The following NRG1 variants were observed in gnomAD, a reference collection of about 807,000 sequenced individuals.
The protein encoded by NRG1 is pro-neuregulin-1, membrane-bound isoform.
Under a neutral mutation model 63.8 loss-of-function variants are expected in NRG1, and 18 were observed. That is an observed-to-expected ratio of 0.28 (90% CI 0.19 to 0.42). The LOEUF (loss-of-function observed/expected upper bound fraction) is 0.42, where lower values mean the gene tolerates loss of function less well. Ranked by LOEUF, NRG1 falls within the 10% of genes least tolerant of loss-of-function variation. The pLI is 1.00. For missense variants in NRG1, 762 were observed against 814.7 expected (o/e 0.94, Z 0.79); for synonymous variants, 302 against 301.3 (o/e 1.00, Z -0.02).
intron 5 of NRG1, among the ~76,000 whole-genome samples, chr8:32,723,817 G>A (rs1382964674): frequency 3.3e-5 from 5 of 151,440 alleles, no homozygotes; most frequent in Non-Finnish European, 7.4e-5. Flanking sequence ...AGGCTGAAAG[G>A]AAGAAAGAAG....
chr8:32,003,573 T>C (rs1813284994), intron 1 of NRG1, among the ~76,000 whole-genome samples: 1 of 152,026 alleles, frequency 6.6e-6, no homozygotes, highest in African/African-American at 2.4e-5. Flanking sequence ...GTAATGTTAA[T>C]GTCCATAAAA....
intron 1 of NRG1, among the ~76,000 whole-genome samples, chr8:32,369,518 G>A (rs192305234): frequency 2.2e-4 from 34 of 152,342 alleles, no homozygotes; most frequent in Non-Finnish European, 1.6e-4. Flanking sequence ...GGCTCACAGC[G>A]AACGTGGTGT....
chr8:31,733,405 G>A (rs2131364749), intron 1 of NRG1, among the ~76,000 whole-genome samples: 1 of 152,278 alleles, frequency 6.6e-6, no homozygotes, highest in Non-Finnish European at 1.5e-5. Flanking sequence ...TCCTGCCACT[G>A]TAGGTATAAA....
intron 1 of NRG1, among the ~76,000 whole-genome samples, chr8:32,561,359 T>A (rs1836360461): frequency 6.6e-6 from 1 of 152,214 alleles, no homozygotes; most frequent in African/African-American, 2.4e-5. Flanking sequence ...ATCTTTTTGT[T>A]CCTTCTTGCA....
chr8:32,217,604 T>A (rs553638941), intron 1 of NRG1, among the ~76,000 whole-genome samples: 154 of 152,298 alleles, frequency 1.0e-3, no homozygotes, highest in South Asian at 8.9e-3. Flanking sequence ...TAAAAAAGCT[T>A]AACCATTTTG....
At chr8:32,233,188 A>G (rs374315166) in intron 1 of NRG1, among the ~76,000 whole-genome samples, 1 of 151,822 alleles carries the variant, frequency 6.6e-6, no homozygotes, top group Non-Finnish European at 1.5e-5. Flanking sequence ...TGCAGCCTCA[A>G]CCTTCCAGGC....
intron 1 of NRG1, among the ~76,000 whole-genome samples, chr8:32,480,662 A>G (rs1825147591): frequency 6.6e-6 from 1 of 152,206 alleles, no homozygotes; most frequent in South Asian, 2.1e-4. Flanking sequence ...TGTAGACTAT[A>G]AAGGTAGCGT....
At chr8:32,080,276 G>C (rs973084468) in intron 1 of NRG1, among the ~76,000 whole-genome samples, 1 of 152,074 alleles carries the variant, frequency 6.6e-6, no homozygotes, top group Non-Finnish European at 1.5e-5. Flanking sequence ...ATCAATGCAA[G>C]GTGTAAGAAC....
At chr8:32,299,085 C>T (rs1384923429) in intron 1 of NRG1, among the ~76,000 whole-genome samples, 2 of 150,570 alleles carry the variant, frequency 1.3e-5, no homozygotes, top group African/African-American at 4.9e-5. Flanking sequence ...AAATTCTTAC[C>T]TACCAGAGTT....
At chr8:32,493,077 C>G (rs975875485) in intron 1 of NRG1, among the ~76,000 whole-genome samples, 2 of 152,116 alleles carry the variant, frequency 1.3e-5, no homozygotes, top group African/African-American at 4.8e-5. Context: ...CCAGGGATTT[C>G]CAATGGCAAC....
chr8:31,672,092 A>G (rs1345249678), intron 1 of NRG1, among the ~76,000 whole-genome samples: 2 of 152,122 alleles, frequency 1.3e-5, no homozygotes, highest in Non-Finnish European at 2.9e-5. Flanking sequence ...TTCAGTTGTC[A>G]GTGTGAGAAA....
chr8:32,628,228 G>A (rs571631201), intron 5 of NRG1, among the ~76,000 whole-genome samples: 5 of 152,264 alleles, frequency 3.3e-5, no homozygotes, highest in East Asian at 3.9e-4. Flanking sequence ...AATGTGATAC[G>A]AAGAGGCATA....
At chr8:32,346,527 AG>A (rs1804919383) in intron 1 of NRG1, among the ~76,000 whole-genome samples, 1 of 147,888 alleles carries the variant, frequency 6.8e-6, no homozygotes, top group African/African-American at 2.5e-5. Flanking sequence ...TCTTCCTCAA[AG>A]CAAACATTAG....
chr8:32,538,815 T>C (rs1398627637), intron 1 of NRG1, among the ~76,000 whole-genome samples: 1 of 152,176 alleles, frequency 6.6e-6, no homozygotes, highest in Non-Finnish European at 1.5e-5. Flanking sequence ...GATAAAAAGA[T>C]GATTCCTGAG....
At chr8:31,865,055 T>C (rs1254673619) in intron 1 of NRG1, among the ~76,000 whole-genome samples, 1 of 152,212 alleles carries the variant, frequency 6.6e-6, no homozygotes, top group Non-Finnish European at 1.5e-5. Context: ...GCACAGAGGC[T>C]AACGAACGCT....
intron 5 of NRG1, among the ~76,000 whole-genome samples, chr8:32,689,944 C>T (rs997410677): frequency 5.9e-5 from 9 of 152,136 alleles, no homozygotes; most frequent in Non-Finnish European, 1.3e-4. Context: ...AGTTCATTGT[C>T]CAGTTTAGAA....
rs981551784 is a variant in NRG1, at chr8:31,938,521, C to T, written c.37+299090C>T. On this transcript the variant is annotated intron_variant, in intron 1 of 10. Coordinates refer to the NRG1 transcript ENST00000519301. ...AGGTTATTTAACACCCCCCAAAAAT[C>T]ATACCAGCTCACCAGCAATGGATCC... 3.3e-5 allele frequency among the ~76,000 whole-genome samples: 5 copies of T among 152,204 alleles called. No individual in the cohort carries two copies. The South Asian group carries it at 8.3e-4, about 25-fold the overall frequency.
intron 1 of NRG1, among the ~76,000 whole-genome samples, chr8:31,667,132 C>T (rs1402038319): frequency 6.6e-6 from 1 of 152,136 alleles, no homozygotes; most frequent in Non-Finnish European, 1.5e-5. Flanking sequence ...TATTCATTGC[C>T]AGTTGATGAT....
chr8:31,795,121 A>G (rs1441207818), intron 1 of NRG1, among the ~76,000 whole-genome samples: 1 of 152,050 alleles, frequency 6.6e-6, no homozygotes, highest in African/African-American at 2.4e-5. Context: ...ATTTCATTCC[A>G]ACTTTTAGAT....
Sources: gnomAD v4.1 joint callset for allele counts (sites outside exome capture counted in the v4.1 genomes callset) on GRCh38, gnomAD v4.1.1 for gene constraint, MANE v1.5 for transcripts, NCBI Gene and HGNC (gene_info 2026-07-23, HGNC 2026-07-21) for gene names.